Variants in HESX1 observed in about 807,000 individuals in gnomAD.
HESX1 encodes HESX homeobox 1, also known as homeobox expressed in ES cells 1.
In HESX1, 11 loss-of-function variants were observed where a neutral mutation model predicts 22.5. The observed-to-expected ratio is 0.49, with a 90% confidence interval of 0.31 to 0.81. The LOEUF (loss-of-function observed/expected upper bound fraction) is 0.81, where lower values mean the gene tolerates loss of function less well. Among genes scored for constraint, HESX1 ranks in the 30% least tolerant of loss-of-function variants. HESX1 has a pLI of 0.05. For missense variants in HESX1, 201 were observed against 212.6 expected, an observed-to-expected ratio of 0.95 and a Z score of 0.34; for synonymous variants, 74 against 76.5, an observed-to-expected ratio of 0.97 and a Z score of 0.17.
At position 57,214,256 on chromosome 3, in the gene HESX1, T is replaced by C. The variant is rs112354770; in HGVS notation, c.-111+12040A>G. ...AATGTTGATGAGTTGAATTAGAGAC[T>C]GGTATATGTGGATTCATTATTCTCT... On this transcript the variant is annotated intron_variant, in intron 1 of 2. Coordinates refer to the HESX1 transcript ENST00000495160. Among the ~76,000 whole-genome samples, 191 of 152,366 alleles carry C rather than the reference T, an allele frequency of 1.3e-3. 1 individual carries two copies. Among genetic ancestry groups the C allele is most frequent in the African/African-American group, 4.4e-3 (183 of 41,578 alleles).
intron 1 of HESX1, among the ~76,000 whole-genome samples, chr3:57,220,874 C>T (rs781589379): frequency 6.6e-6 from 1 of 152,184 alleles, no homozygotes; most frequent in African/African-American, 2.4e-5. Flanking sequence ...CTTTGCCTGA[C>T]GTGGCCTCCT....
At chr3:57,203,299 C>G (rs1015317919), upstream of HESX1, among the ~76,000 whole-genome samples, 12 of 152,004 alleles carry the variant, frequency 7.9e-5, no homozygotes, top group African/African-American at 1.2e-4. Context: ...AATTGTTTAG[C>G]GGCAAAAGAT....
At chr3:57,216,605 T>G (rs2060584250) in intron 1 of HESX1, among the ~76,000 whole-genome samples, 1 of 152,162 alleles carries the variant, frequency 6.6e-6, no homozygotes, top group African/African-American at 2.4e-5. Flanking sequence ...TGAGACTCTG[T>G]CTCAAAAAAT....
chr3:57,208,822 A>G (rs900463597), intron 1 of HESX1, among the ~76,000 whole-genome samples: 1 of 151,720 alleles, frequency 6.6e-6, no homozygotes, highest in Non-Finnish European at 1.5e-5. Context: ...TTAGCCGGGC[A>G]TGGTGGCACA....
chr3:57,198,548 T>A, intron 2 of HESX1, 56 bp from the exon 3 acceptor site: 1 of 1,152,638 alleles, frequency 8.7e-7, no homozygotes, highest in Non-Finnish European at 1.3e-6. Flanking sequence ...CTTTAATTTC[T>A]AGAGTAAAAT....
intron 1 of HESX1, among the ~76,000 whole-genome samples, chr3:57,210,456 G>A (rs941602710): frequency 3.9e-5 from 6 of 152,210 alleles, no homozygotes; most frequent in East Asian, 1.9e-4. Flanking sequence ...ATTATGCTGT[G>A]AGCGTAATAA....
chr3:57,215,793 AAAAC>A (rs1559501455), intron 1 of HESX1, among the ~76,000 whole-genome samples: 1 of 151,548 alleles, frequency 6.6e-6, no homozygotes, highest in East Asian at 1.9e-4. Flanking sequence ...AACAAACAAA[AAAAC>A]CACAGAAAAA....
chr3:57,207,459 A>C (rs541951075), intron 1 of HESX1, among the ~76,000 whole-genome samples: 1 of 152,294 alleles, frequency 6.6e-6, no homozygotes, highest in South Asian at 2.1e-4. Context: ...GTGGGAGCTG[A>C]CAAAATGTTG....
At chr3:57,201,900 T>TATCC (rs2060490708), upstream of HESX1, among the ~76,000 whole-genome samples, 3 of 151,714 alleles carry the variant, frequency 2.0e-5, no homozygotes, top group African/African-American at 7.3e-5. Context: ...TCTATCTATC[T>TATCC]ATCTATCTAT....
At chr3:57,210,189 A>G (rs1199084894) in intron 1 of HESX1, among the ~76,000 whole-genome samples, 2 of 152,228 alleles carry the variant, frequency 1.3e-5, no homozygotes, top group Admixed American at 6.5e-5. Flanking sequence ...AGTCTGACAT[A>G]TTGACATTAG....
chr3:57,222,595 T>G (rs1300416486), intron 1 of HESX1, among the ~76,000 whole-genome samples: 1 of 152,178 alleles, frequency 6.6e-6, no homozygotes, highest in Non-Finnish European at 1.5e-5. Context: ...TGACTGTTCC[T>G]TCCAGAATTC....
chr3:57,215,882 G>A (rs771160375), intron 1 of HESX1, among the ~76,000 whole-genome samples: 5 of 152,188 alleles, frequency 3.3e-5, no homozygotes, highest in Non-Finnish European at 5.9e-5. Context: ...TATGTACCTG[G>A]TTTTAATCTG....
chr3:57,226,843 A>G (rs994372487), upstream of HESX1, among the ~76,000 whole-genome samples: 4 of 152,232 alleles, frequency 2.6e-5, no homozygotes, highest in East Asian at 7.7e-4. Context: ...AAAGCCTACA[A>G]CTATACAGAG....
intron 3 of HESX1, 42 bp from the exon 4 acceptor site, chr3:57,198,337 TTTATTA>T: frequency 6.4e-7 from 1 of 1,563,672 alleles, no homozygotes; most frequent in Non-Finnish European, 8.8e-7. Context: ...GAAACATTAT[TTTATTA>T]TTCTTAACAT....
intron 1 of HESX1, among the ~76,000 whole-genome samples, chr3:57,218,076 G>A (rs1214076593): frequency 1.3e-5 from 2 of 152,148 alleles, no homozygotes; most frequent in African/African-American, 2.4e-5. Context: ...CAGGGAAGAG[G>A]AAAAACTATA....
intron 1 of HESX1, among the ~76,000 whole-genome samples, chr3:57,211,846 T>A (rs1185693012): frequency 4.0e-5 from 6 of 150,788 alleles, no homozygotes; most frequent in Non-Finnish European, 7.4e-5. Context: ...AAAAAAAAAA[T>A]CCAAGTTTAA....
intron 1 of HESX1, among the ~76,000 whole-genome samples, chr3:57,215,166 A>G (rs950476060): frequency 6.6e-6 from 1 of 152,192 alleles, no homozygotes; most frequent in Non-Finnish European, 1.5e-5. Flanking sequence ...TCATTTTAGT[A>G]CTAGAAGACT....
chr3:57,205,178 G>A (rs567678575), intron 1 of HESX1, among the ~76,000 whole-genome samples: 1 of 152,126 alleles, frequency 6.6e-6, no homozygotes, highest in Non-Finnish European at 1.5e-5. Flanking sequence ...GGAGGCTGAG[G>A]GCAGAGGATC....
rs1395331726 is a variant in HESX1 at position 57,198,130 on chromosome 3, C to T, written c.*67G>A. 9 of 999,098 alleles carry T rather than the reference C, an allele frequency of 9.0e-6. No homozygotes were observed. The highest frequency in any genetic ancestry group is 2.4e-5 in the East Asian group (1 of 41,540). 61.9% of individuals were successfully genotyped at this position (999,098 alleles called of 1,614,324 possible). On this transcript the variant is annotated 3_prime_UTR_variant, in exon 4 of 4. Coordinates refer to ENST00000295934, the MANE Select transcript of HESX1 (RefSeq NM_003865.3). ...GGAAAGAAAACATCACATTTTAACA[C>T]TTAATATTTCCACTGATTCTTCATG...
Sources: allele counts gnomAD v4.1 joint callset (sites outside exome capture counted in the v4.1 genomes callset), GRCh38; gene constraint gnomAD v4.1.1; transcripts MANE v1.5; gene names NCBI Gene and HGNC (gene_info 2026-07-23, HGNC 2026-07-21).